LRCH3: variants seen among roughly 807,000 people sequenced by gnomAD.
LRCH3 encodes DISP complex protein LRCH3.
Under a neutral mutation model 104.5 loss-of-function variants are expected in LRCH3, and 68 were observed. That is an observed-to-expected ratio of 0.65 (90% CI 0.54 to 0.80). LRCH3 has a LOEUF of 0.80. Among genes scored for constraint, LRCH3 ranks in the 30% least tolerant of loss-of-function variants. The pLI, the probability that LRCH3 is intolerant of heterozygous loss-of-function variation, is 0.00. For missense variants in LRCH3, 951 were observed against 953.9 expected (o/e 1.00, Z 0.04); for synonymous variants, 344 against 361.3 (o/e 0.95, Z 0.54).
chr3:197,865,548 T>C, intron 16 of LRCH3, 77 bp downstream of exon 16: 5 of 960,524 alleles, frequency 5.2e-6, no homozygotes, highest in Non-Finnish European at 7.4e-6. Flanking sequence ...TAATAATAAA[T>C]AGAGACGAGG....
At chr3:197,802,949 C>CT (rs1732061665) in intron 1 of LRCH3, among the ~76,000 whole-genome samples, 1 of 152,122 alleles carries the variant, frequency 6.6e-6, no homozygotes, top group Non-Finnish European at 1.5e-5. Context: ...AAGGATAATA[C>CT]TAGTGAGTAT....
chr3:197,795,433 CAT>C (rs1301649553), intron 1 of LRCH3, among the ~76,000 whole-genome samples: 8 of 152,092 alleles, frequency 5.3e-5, no homozygotes, highest in African/African-American at 1.9e-4. Flanking sequence ...AATCAGCACA[CAT>C]GAGTAACTGA....
chr3:197,823,575 A>G (rs752516113), intron 4 of LRCH3: 1 of 151,696 alleles, frequency 6.6e-6, no homozygotes, highest in Non-Finnish European at 1.5e-5. Context: ...GTAGCCTCGA[A>G]CTCTGTGGGC....
At chr3:197,865,571 G>A in intron 16 of LRCH3, 100 bp downstream of exon 16, 1 of 735,726 alleles carries the variant, frequency 1.4e-6, no homozygotes, top group Non-Finnish European at 2.0e-6. Flanking sequence ...TTTCTGTGTT[G>A]ACCAGGGTGG....
rs917642976 is a variant in LRCH3 at position 197,860,285 on chromosome 3, C to T, written c.1716+1380C>T. 5.3e-5 allele frequency among the ~76,000 whole-genome samples: 8 copies of T among 152,166 alleles called. No individual in the cohort carries two copies. The East Asian group carries it at 9.6e-4, about 18-fold the overall frequency. On this transcript the variant is annotated intron_variant, in intron 15 of 20. Coordinates refer to ENST00000425562, the MANE Select transcript of LRCH3 (RefSeq NM_001365715.1). ...CCAAAGTGCTAGGTGTCAGCCACTG[C>T]GCCCAACCTCCTTCAACTTCTAAAT...
intron 8 of LRCH3, among the ~76,000 whole-genome samples, chr3:197,833,261 T>C (rs1462621963): frequency 1.4e-5 from 2 of 146,400 alleles, no homozygotes; most frequent in Non-Finnish European, 1.5e-5. Flanking sequence ...GGCTCACGCC[T>C]GTAATCCCAA....
At chr3:197,855,598 C>G (rs1181067763) in intron 14 of LRCH3, among the ~76,000 whole-genome samples, 1 of 152,094 alleles carries the variant, frequency 6.6e-6, no homozygotes, top group African/African-American at 2.4e-5. Flanking sequence ...GCATTAAACA[C>G]CATACTGAAA....
In LRCH3 at chr3:197,827,572, T is replaced by C. The variant is rs1735373398; in HGVS notation, c.777+558T>C. ...CTTTTAAAATGGATTCACATACATA[T>C]GTATTTTTGAGAAGCCTTGAATTAA... On this transcript the variant is annotated intron_variant, in intron 5 of 20. Coordinates refer to ENST00000425562, the MANE Select transcript of LRCH3 (RefSeq NM_001365715.1). Among the ~76,000 whole-genome samples the C allele has an allele frequency of 2.0e-5, 3 of 152,364 alleles. No individual in the cohort carries two copies. The South Asian group carries it at 6.2e-4, about 32-fold the overall frequency.
chr3:197,870,332 A>G, intron 18 of LRCH3, 54 bp downstream of exon 18: 5 of 1,515,766 alleles, frequency 3.3e-6, no homozygotes, highest in Middle Eastern at 1.8e-4. Context: ...TATAGATCAT[A>G]ATCCTGTGAT....
chr3:197,819,766 A>G (rs766629240), intron 3 of LRCH3, among the ~76,000 whole-genome samples: 7 of 152,170 alleles, frequency 4.6e-5, no homozygotes, highest in African/African-American at 1.2e-4. Context: ...TCAATTATTA[A>G]TTGGTAGGAA....
chr3:197,830,962 C>T, intron 7 of LRCH3, 99 bp downstream of exon 7: 1 of 1,042,146 alleles, frequency 9.6e-7, no homozygotes, highest in Non-Finnish European at 1.5e-6. Context: ...TTTCTCACTA[C>T]ATAAAATACA....
At chr3:197,858,727 C>G (rs59909069) in intron 14 of LRCH3, 107 bp from the exon 15 acceptor site, 3 of 910,748 alleles carry the variant, frequency 3.3e-6, no homozygotes, top group African/African-American at 3.3e-5. Context: ...TTTGAAAGAT[C>G]GTCAGTGACC....
At chr3:197,796,245 A>G (rs1731199972) in intron 1 of LRCH3, among the ~76,000 whole-genome samples, 1 of 152,070 alleles carries the variant, frequency 6.6e-6, no homozygotes, top group African/African-American at 2.4e-5. Flanking sequence ...ACAGAACTCA[A>G]GGGATCTAAT....
chr3:197,864,953 C>G (rs1170178841), intron 15 of LRCH3, among the ~76,000 whole-genome samples: 1 of 151,806 alleles, frequency 6.6e-6, no homozygotes, highest in Non-Finnish European at 1.5e-5. Context: ...CCTGGGAGAT[C>G]ATGGCATTGC....
rs1179673257 is a variant in LRCH3 at position 197,886,537 on chromosome 3, C to T, written c.*2871C>T. The T allele has an allele frequency of 6.6e-6, 1 of 152,178 alleles. No homozygotes were observed. Among genetic ancestry groups the T allele is most frequent in the Non-Finnish European group, 1.5e-5 (1 of 68,074 alleles). 9.4% of individuals were successfully genotyped at this position (152,178 alleles called of 1,614,324 possible). On this transcript the variant is annotated 3_prime_UTR_variant, in exon 21 of 21. Coordinates refer to ENST00000425562, the MANE Select transcript of LRCH3 (RefSeq NM_001365715.1). ...TGTTTGTCAACATTAAGCCTCAGTA[C>T]AGTCTCCAAATTATATGCCACCAGA...
chr3:197,843,705 A>G (rs1442732310), intron 10 of LRCH3, among the ~76,000 whole-genome samples: 1 of 152,180 alleles, frequency 6.6e-6, no homozygotes, highest in Admixed American at 6.5e-5. Flanking sequence ...AGTCTGCCTT[A>G]TAGAGATAAA....
At chr3:197,827,049 TG>T in intron 5 of LRCH3, 35 bp downstream of exon 5, 1 of 1,608,274 alleles carries the variant, frequency 6.2e-7, no homozygotes, top group Non-Finnish European at 8.5e-7. Context: ...TAAACCATGG[TG>T]GAAGCATCAG....
At chr3:197,805,317 G>GTCT (rs1001397020) in intron 1 of LRCH3, among the ~76,000 whole-genome samples, 9 of 152,144 alleles carry the variant, frequency 5.9e-5, no homozygotes, top group African/African-American at 2.2e-4. Flanking sequence ...TTTCTTAAGG[G>GTCT]TCTTACCTCT....
rs1713929474 is a variant in LRCH3, at chr3:197,883,123, C to T, written c.2209-418C>T. On this transcript the variant is annotated intron_variant, in intron 20 of 20. Coordinates refer to ENST00000425562, the MANE Select transcript of LRCH3 (RefSeq NM_001365715.1). This position sits in a 1 kb window ranked among gnomAD's most constrained non-coding sequence, Gnocchi z 4.2. The stretch of plus-strand genomic sequence containing the variant: ...TCATTCTTGTGGTAGGGAACTTACC[C>T]TCAAGTGTAGTATCTTTTACTCTTG... 3 of 986,720 alleles carry T rather than the reference C, an allele frequency of 3.0e-6. No homozygotes were observed. Among genetic ancestry groups the T allele is most frequent in the Non-Finnish European group, 3.6e-6 (3 of 830,834 alleles). The allele number at this position is 986,720 out of a possible 1,614,324, so 61.1% of individuals were successfully genotyped here.
Sources: allele counts gnomAD v4.1 joint callset (sites outside exome capture counted in the v4.1 genomes callset), GRCh38; gene constraint gnomAD v4.1.1; non-coding constraint Gnocchi (gnomAD v3.1); transcripts MANE v1.5; gene names NCBI Gene and HGNC (gene_info 2026-07-23, HGNC 2026-07-21).